The following SLC25A21 variants were observed in gnomAD, a reference collection of about 807,000 sequenced individuals.
SLC25A21 encodes the protein mitochondrial 2-oxodicarboxylate carrier.
Under a neutral mutation model 43.8 loss-of-function variants are expected in SLC25A21, and 47 were observed. The observed-to-expected ratio is 1.07, with a 90% CI of 0.85 to 1.37. The LOEUF (loss-of-function observed/expected upper bound fraction) is 1.37, where lower values mean the gene tolerates loss of function less well. Ranked by LOEUF, SLC25A21 falls within the 40% of genes most tolerant of loss-of-function variation. SLC25A21 has a pLI of 0.00. For missense variants in SLC25A21, 352 were observed against 350.2 expected (o/e 1.00, Z -0.04); for synonymous variants, 131 against 121.3 (o/e 1.08, Z -0.52).
intron 1 of SLC25A21, among the ~76,000 whole-genome samples, chr14:37,109,639 T>C (rs2138875598): frequency 6.6e-6 from 1 of 152,320 alleles, no homozygotes; most frequent in East Asian, 1.9e-4. Context: ...AGGAGACCTA[T>C]GTGCTAGCTT....
At chr14:36,709,205 C>A (rs1260931186) in intron 7 of SLC25A21, among the ~76,000 whole-genome samples, 3 of 152,100 alleles carry the variant, frequency 2.0e-5, no homozygotes, top group African/African-American at 4.8e-5. Flanking sequence ...GGTTGTCTTA[C>A]AGTCTGAAAA....
intron 3 of SLC25A21, among the ~76,000 whole-genome samples, chr14:36,813,646 T>C (rs1888350883): frequency 6.6e-6 from 1 of 152,230 alleles, no homozygotes; most frequent in Non-Finnish European, 1.5e-5. Context: ...TGAGTTTAGA[T>C]AGCCTCAGTT....
At chr14:36,714,818 C>T (rs1444102251) in intron 6 of SLC25A21, among the ~76,000 whole-genome samples, 1 of 152,132 alleles carries the variant, frequency 6.6e-6, no homozygotes, top group Non-Finnish European at 1.5e-5. Context: ...GTTACTCACC[C>T]AAGATTACAG....
At chr14:36,772,227 T>C (rs1247153366) in intron 3 of SLC25A21, among the ~76,000 whole-genome samples, 1 of 152,166 alleles carries the variant, frequency 6.6e-6, no homozygotes, top group Non-Finnish European at 1.5e-5. Flanking sequence ...ATTTCAAGTG[T>C]AGCAGAAGCA....
intron 2 of SLC25A21, among the ~76,000 whole-genome samples, chr14:36,856,648 T>C (rs965803532): frequency 2.0e-4 from 30 of 151,940 alleles, no homozygotes; most frequent in African/African-American, 7.3e-4. Context: ...CATGTGTGAG[T>C]GATGTGTGGA....
chr14:37,003,262 T>C (rs1960527331), intron 1 of SLC25A21, among the ~76,000 whole-genome samples: 1 of 152,238 alleles, frequency 6.6e-6, no homozygotes, highest in Non-Finnish European at 1.5e-5. Context: ...CATCCTTTTG[T>C]ACAGCACTAA....
intron 1 of SLC25A21, among the ~76,000 whole-genome samples, chr14:37,026,841 T>G (rs926040339): frequency 1.3e-5 from 2 of 152,146 alleles, no homozygotes; most frequent in Non-Finnish European, 2.9e-5. Flanking sequence ...ATTTAAATAA[T>G]AGTTGTCCCG....
intron 3 of SLC25A21, among the ~76,000 whole-genome samples, chr14:36,767,949 A>G (rs912391793): frequency 5.3e-5 from 8 of 152,156 alleles, no homozygotes; most frequent in Non-Finnish European, 1.2e-4. Flanking sequence ...GGCCCTGCAA[A>G]TATTGCTGTG....
chr14:37,083,721 GCAGAA>G (rs1377571736), intron 1 of SLC25A21, among the ~76,000 whole-genome samples: 1 of 152,196 alleles, frequency 6.6e-6, no homozygotes, highest in Non-Finnish European at 1.5e-5. Context: ...TGCTAGAAAT[GCAGAA>G]CCTGCTGAAT....
intron 2 of SLC25A21, among the ~76,000 whole-genome samples, chr14:36,829,562 A>G (rs746778692): frequency 6.6e-6 from 1 of 151,732 alleles, no homozygotes; most frequent in Non-Finnish European, 1.5e-5. Context: ...GTTTTCTTTC[A>G]CCCTGCCCAC....
chr14:36,806,077 G>A (rs1320839939), intron 3 of SLC25A21, among the ~76,000 whole-genome samples: 1 of 148,532 alleles, frequency 6.7e-6, no homozygotes, highest in Non-Finnish European at 1.5e-5. Context: ...TTAGCTGAGT[G>A]TGGTGGCGGC....
intron 2 of SLC25A21, among the ~76,000 whole-genome samples, chr14:36,856,241 G>A (rs539712234): frequency 1.1e-4 from 16 of 152,252 alleles, no homozygotes; most frequent in Non-Finnish European, 2.1e-4. Flanking sequence ...TTGTTGGTCC[G>A]TAAAGGAAGT....
chr14:37,123,166 T>C lies in SLC25A21; in HGVS notation c.70+49115A>G, dbSNP rs146808364. On this transcript the variant is annotated intron_variant, in intron 1 of 9. Transcript: ENST00000331299. ...GGAAAAAGAAAATACTTCAAGGTTATTGCTTAATGCTGTAAGTGATTTCTT... is the reference window on the plus strand; with the variant it reads ...GGAAAAAGAAAATACTTCAAGGTTACTGCTTAATGCTGTAAGTGATTTCTT... 6.3e-3 allele frequency among the ~76,000 whole-genome samples: 959 copies of C among 152,324 alleles called. 9 individuals carry two copies. Among genetic ancestry groups the C allele is most frequent in the African/African-American group, 0.02 (822 of 41,574 alleles).
intron 1 of SLC25A21, among the ~76,000 whole-genome samples, chr14:36,944,096 A>C (rs1043517628): frequency 3.3e-5 from 5 of 152,108 alleles, no homozygotes; most frequent in African/African-American, 1.2e-4. Flanking sequence ...CTCCATTTAC[A>C]TCACAGAGCC....
chr14:36,840,520 C>T (rs907233154), intron 2 of SLC25A21, among the ~76,000 whole-genome samples: 11 of 152,136 alleles, frequency 7.2e-5, no homozygotes, highest in African/African-American at 2.4e-4. Flanking sequence ...TGAACAAATT[C>T]CTTACTAGTC....
intron 3 of SLC25A21, among the ~76,000 whole-genome samples, chr14:36,809,551 T>C (rs1566634483): frequency 6.6e-6 from 1 of 152,148 alleles, no homozygotes; most frequent in Admixed American, 6.5e-5. Flanking sequence ...TAAAGGGATT[T>C]GGACTCATGT....
chr14:36,958,679 G>GCGCGCGCGCA (rs1399246300), intron 1 of SLC25A21, among the ~76,000 whole-genome samples: 1 of 136,844 alleles, frequency 7.3e-6, no homozygotes, highest in African/African-American at 2.6e-5. Context: ...AAGCACACGT[G>GCGCGCGCGCA]CACACACACA....
chr14:37,119,946 G>C (rs1014201798), intron 1 of SLC25A21, among the ~76,000 whole-genome samples: 1 of 152,106 alleles, frequency 6.6e-6, no homozygotes, highest in East Asian at 1.9e-4. Flanking sequence ...ACAATGATAC[G>C]AGTGGCAGAA....
chr14:37,141,900 C>G (rs897725589), intron 1 of SLC25A21, among the ~76,000 whole-genome samples: 1 of 152,134 alleles, frequency 6.6e-6, no homozygotes, highest in Non-Finnish European at 1.5e-5. Flanking sequence ...GCACATTGGA[C>G]TCAGATAGAG....
Sources: gnomAD v4.1 joint callset for allele counts (sites outside exome capture counted in the v4.1 genomes callset) on GRCh38, gnomAD v4.1.1 for gene constraint, MANE v1.5 for transcripts, NCBI Gene and HGNC (gene_info 2026-07-23, HGNC 2026-07-21) for gene names.